The following ALDH1A1 variants were observed in gnomAD, a reference collection of about 807,000 sequenced individuals.
The protein encoded by ALDH1A1 is aldehyde dehydrogenase 1 family member A1, also known as aldehyde dehydrogenase 1A1.
ALDH1A1 carries 19 observed loss-of-function variants against 62.1 expected under a neutral mutation model. That is an observed-to-expected ratio of 0.31 (90% confidence interval 0.21 to 0.45). ALDH1A1 has a LOEUF of 0.45. Among genes scored for constraint, ALDH1A1 ranks in the 20% least tolerant of loss-of-function variants. The pLI is 1.00. For missense variants in ALDH1A1, 521 were observed against 607.1 expected, an observed-to-expected ratio of 0.86 and a Z score of 1.49; for synonymous variants, 231 against 215.9, an observed-to-expected ratio of 1.07 and a Z score of -0.61.
chr9:72,904,944 G>C (rs1829857192), intron 12 of ALDH1A1, among the ~76,000 whole-genome samples: 1 of 152,112 alleles, frequency 6.6e-6, no homozygotes, highest in Non-Finnish European at 1.5e-5. Flanking sequence ...CATAGCAAGT[G>C]CTTAATAAAT....
intron 1 of ALDH1A1, among the ~76,000 whole-genome samples, chr9:72,946,173 T>C (rs565123680): frequency 5.4e-4 from 82 of 152,042 alleles, no homozygotes; most frequent in Non-Finnish European, 9.4e-4. Flanking sequence ...TGCCCATTTT[T>C]AGCAGTATCA....
At chr9:72,912,250 A>G (rs1249328302) in intron 9 of ALDH1A1, 128 bp from the exon 10 acceptor site, 1 of 694,936 alleles carries the variant, frequency 1.4e-6, no homozygotes, top group Non-Finnish European at 2.4e-6. Context: ...GAATCGAAAC[A>G]GCTAACAGAG....
At chr9:72,903,352 CTG>C (rs1043546790) in intron 12 of ALDH1A1, among the ~76,000 whole-genome samples, 1 of 152,036 alleles carries the variant, frequency 6.6e-6, no homozygotes, top group African/African-American at 2.4e-5. Flanking sequence ...TTTGCATACT[CTG>C]TATCACCTTC....
intron 8 of ALDH1A1, 93 bp from the exon 9 acceptor site, chr9:72,917,197 A>G: frequency 9.4e-7 from 1 of 1,058,922 alleles, no homozygotes. Flanking sequence ...AAGAAAAATT[A>G]TGAGTTGTGT....
intron 3 of ALDH1A1, 126 bp downstream of exon 3, chr9:72,930,752 AC>A: frequency 8.9e-7 from 1 of 1,118,412 alleles, no homozygotes; most frequent in Non-Finnish European, 1.3e-6. Context: ...ATTCATTGGG[AC>A]AAAAAATGTT....
intron 10 of ALDH1A1, among the ~76,000 whole-genome samples, chr9:72,910,263 A>G (rs1829966366): frequency 6.6e-6 from 1 of 152,144 alleles, no homozygotes; most frequent in Non-Finnish European, 1.5e-5. Flanking sequence ...TAAAATATTA[A>G]CTATTCTACT....
intron 7 of ALDH1A1, 177 bp downstream of exon 7, chr9:72,923,842 T>G (rs1474731583): frequency 2.4e-6 from 1 of 424,968 alleles, no homozygotes; most frequent in African/African-American, 2.1e-5. Flanking sequence ...GTGCATCATG[T>G]CATTCAAACT....
intron 2 of ALDH1A1, 146 bp from the exon 3 acceptor site, chr9:72,931,165 T>G: frequency 1.3e-6 from 1 of 773,674 alleles, no homozygotes; most frequent in Non-Finnish European, 2.0e-6. Context: ...TTGCGCACAT[T>G]CAACTACTGT....
intron 1 of ALDH1A1, 34 bp from the exon 2 acceptor site, chr9:72,940,286 C>T (rs1380216211): frequency 2.0e-6 from 3 of 1,515,044 alleles, no homozygotes. Context: ...ATACAAGGCG[C>T]TTAAATATGC....
intron 1 of ALDH1A1, among the ~76,000 whole-genome samples, chr9:72,941,280 A>C (rs1291550690): frequency 6.6e-6 from 1 of 152,182 alleles, no homozygotes; most frequent in Non-Finnish European, 1.5e-5. Context: ...GGAGAATGTA[A>C]TGAAACACTC....
intron 10 of ALDH1A1, among the ~76,000 whole-genome samples, chr9:72,911,197 G>A (rs1829982124): frequency 1.3e-5 from 2 of 151,892 alleles, no homozygotes; most frequent in African/African-American, 4.8e-5. Context: ...TACAAAATCA[G>A]GAAGTCTAAC....
intron 9 of ALDH1A1, among the ~76,000 whole-genome samples, chr9:72,916,318 A>G (rs1439591699): frequency 6.6e-6 from 1 of 152,216 alleles, no homozygotes; most frequent in Non-Finnish European, 1.5e-5. Flanking sequence ...GAAGAGGGAA[A>G]GATGATCTTT....
chr9:72,927,261 T>G lies in ALDH1A1; in HGVS notation c.443-84A>C, dbSNP rs1025857077. The G allele has an allele frequency of 1.3e-5, 13 of 991,314 alleles. No homozygotes were observed. In the East Asian group the frequency reaches 1.5e-4, roughly 11 times the overall value. The allele number at this position is 991,314 out of a possible 1,614,324, so 61.4% of individuals were successfully genotyped here. A position where few individuals can be genotyped will look rare whatever the true frequency, so the allele number is the denominator to read the frequency against. On this transcript the variant is annotated intron_variant, in intron 4 of 12. Transcript: ENST00000297785. ...GGTGGTTGGTGATGTGAGAGAAAGG[T>G]GTAGACAATAATTTTAAAAACATAT...
At chr9:72,942,460 T>A (rs1830425974) in intron 1 of ALDH1A1, 1 of 801,046 alleles carries the variant, frequency 1.2e-6, no homozygotes. Flanking sequence ...CACTTTGTTC[T>A]ATACAAGTAT....
chr9:72,917,048 A>G lies in ALDH1A1; in HGVS notation c.907T>C (p.Cys303Arg). Residue 303 changes from cysteine (C) to arginine (R), a missense_variant, in exon 9 of 13, where the codon TGT becomes CGT. Physicochemically the swap from Cys to Arg is radical, Grantham distance 180. Transcript: ENST00000297785. ...HGVFYHQGQC[C>R]IAASRIFVEE... is the part of the protein sequence containing the mutation. ...ACAAAAATCCTGGATGCGGCTATACAACACTGGCCCTGGTGGTAGAATACC... is the reference window on the plus strand; with the variant it reads ...ACAAAAATCCTGGATGCGGCTATACGACACTGGCCCTGGTGGTAGAATACC... 1 of 1,613,216 alleles carries G rather than the reference A, an allele frequency of 6.2e-7. No individual in the cohort carries two copies. Among genetic ancestry groups the G allele is most frequent in the Non-Finnish European group, 8.5e-7 (1 of 1,179,532 alleles).
chr9:72,946,820 G>GC (rs1214305129), intron 1 of ALDH1A1, among the ~76,000 whole-genome samples: 1 of 151,876 alleles, frequency 6.6e-6, no homozygotes, highest in Non-Finnish European at 1.5e-5. Flanking sequence ...ATTTCTGTGA[G>GC]ATTTATTTTA....
Position 72,905,986 on chromosome 9 carries a change from A to G in ALDH1A1, c.1405T>C (p.Phe469Leu). Residue 469 changes from phenylalanine to leucine, a missense_variant, in exon 12 of 13, where the codon TTC (phenylalanine) becomes CTC (leucine). Transcript: ENST00000297785. ...TCTCTTCCATTTCCAGACATCTTGA[A>G]TCCACCAAAGGGGCACTGGGCACTT... ...VVSAQCPFGGFKMSGNGRELG... is the reference protein window; with the variant it reads ...VVSAQCPFGGLKMSGNGRELG... 1.9e-6 allele frequency: 3 copies of G among 1,612,230 alleles called. No homozygotes were observed. Among genetic ancestry groups the G allele is most frequent in the East Asian group, 2.2e-5 (1 of 44,798 alleles).
At chr9:72,929,911 T>C (rs1830259121) in intron 3 of ALDH1A1, among the ~76,000 whole-genome samples, 1 of 152,256 alleles carries the variant, frequency 6.6e-6, no homozygotes, top group African/African-American at 2.4e-5. Context: ...TTTTCTGCTT[T>C]CTTCCTACAG....
In ALDH1A1 at chr9:72,901,093, G is replaced by T. The variant is rs1456240463; in HGVS notation, c.*115C>A. 1 of 659,244 alleles carries T rather than the reference G, an allele frequency of 1.5e-6. No homozygotes were observed. The highest frequency in any genetic ancestry group is 2.5e-6 in the Non-Finnish European group (1 of 392,964). 40.8% of individuals were successfully genotyped at this position (659,244 alleles called of 1,614,324 possible). On this transcript the variant is annotated 3_prime_UTR_variant, in exon 13 of 13. Transcript: ENST00000297785. ...GTAGTATTAATACTAATATGATTTA[G>T]CTTATGTTTAAAAAAATCAAGAAAA...
Sources: allele counts gnomAD v4.1 joint callset (sites outside exome capture counted in the v4.1 genomes callset), GRCh38; gene constraint gnomAD v4.1.1; transcripts MANE v1.5; gene names NCBI Gene and HGNC (gene_info 2026-07-23, HGNC 2026-07-21).